CLGN: variants seen among roughly 807,000 people sequenced by gnomAD.
The protein encoded by CLGN is calmegin.
CLGN carries 62 observed loss-of-function variants against 79.1 expected under a neutral mutation model. The ratio of observed to expected loss-of-function variants is 0.78; its 90% CI spans 0.64 to 0.97. The LOEUF (loss-of-function observed/expected upper bound fraction) is 0.97. Ranked by LOEUF, CLGN falls within the 50% of genes least tolerant of loss-of-function variation. CLGN has a pLI of 0.00. For missense variants in CLGN, 647 were observed against 715.5 expected (o/e 0.90, Z 1.09); for synonymous variants, 225 against 224.7 (o/e 1.00, Z -0.01).
chr4:140,420,251 C>T (rs1729437798), intron 1 of CLGN, among the ~76,000 whole-genome samples: 2 of 152,008 alleles, frequency 1.3e-5, no homozygotes, highest in African/African-American at 4.8e-5. Flanking sequence ...ACCAGAGCAC[C>T]CCAGTTTTAT....
intron 13 of CLGN, among the ~76,000 whole-genome samples, chr4:140,391,100 A>C (rs914564438): frequency 2.0e-5 from 3 of 151,578 alleles, no homozygotes; most frequent in African/African-American, 7.3e-5. Context: ...GACATCATGC[A>C]TTTTTTCAGT....
At position 140,400,326 on chromosome 4, in the gene CLGN, T is replaced by C. The variant is rs772424728; in HGVS notation, c.694+31A>G. ...ATACATCAATAGTCAGCAAATATTT[T>C]TGAATACATGAATGAATTAAAAGGG... is the stretch of plus-strand genomic sequence containing the variant. On this transcript the variant is annotated intron_variant, in intron 7 of 14. Coordinates refer to ENST00000325617, the MANE Select transcript of CLGN (RefSeq NM_004362.3). The C allele has an allele frequency of 5.4e-6, 8 of 1,486,602 alleles. No individual in the cohort carries two copies. The Admixed American group carries it at 8.0e-5, about 15-fold the overall frequency. The allele number at this position is 1,486,602 out of a possible 1,614,324, so 92.1% of individuals were successfully genotyped here.
rs1728943776 is a variant in CLGN at position 140,398,879 on chromosome 4, C to T, written c.856G>A (p.Asp286Asn). ...EEWDERAKIPDPSAVKPEDWD... is the reference protein window; with the variant it reads ...EEWDERAKIPNPSAVKPEDWD... ...TCTTCTGGTTTGACGGCAGAAGGAT[C>T]AGGAATTTTTGCTCTTTCATCCCAT... is the stretch of plus-strand genomic sequence containing the variant. Residue 286 changes from aspartate (D) to asparagine (N), a missense_variant, in exon 8 of 15, where the codon GAT (aspartate) becomes AAT (asparagine). Asp to Asn is a conservative substitution (Grantham distance 23). Transcript: ENST00000325617. The T allele has an allele frequency of 4.3e-6, 7 of 1,613,734 alleles. No individual in the cohort carries two copies. Among genetic ancestry groups the T allele is most frequent in the Non-Finnish European group, 5.9e-6 (7 of 1,179,924 alleles).
At chr4:140,413,661 C>T (rs142350521) in intron 1 of CLGN, among the ~76,000 whole-genome samples, 14,768 of 152,256 alleles carry the variant, frequency 0.097, 850 homozygotes, top group East Asian at 0.23. Flanking sequence ...GCTTAAAAAA[C>T]GGCGCACCAC....
chr4:140,392,695 T>C lies in CLGN; in HGVS notation c.1382A>G (p.Gln461Arg), dbSNP rs1728798372. The change falls in exon 12 of 15, where the codon CAG becomes CGG. Residue 461 changes from glutamine to arginine, a missense_variant. Transcript: ENST00000325617. ...ANANKPGVLK[Q>R]LMAAAEGHPW... ...GTGCCCTTCAGCAGCTGCCATTAAC[T>C]GTTTTAATACACCAGGCTATAGACG... 2 of 1,603,406 alleles carry C rather than the reference T, an allele frequency of 1.2e-6. No individual in the cohort carries two copies. Among genetic ancestry groups the C allele is most frequent in the Non-Finnish European group, 1.7e-6 (2 of 1,176,576 alleles).
intron 13 of CLGN, 69 bp from the exon 14 acceptor site, chr4:140,390,797 T>C: frequency 2.1e-6 from 2 of 954,810 alleles, no homozygotes; most frequent in Non-Finnish European, 3.1e-6. Flanking sequence ...AAGTATTAAA[T>C]ACAATAAATG....
At chr4:140,395,545 A>C (rs1335050554) in intron 10 of CLGN, among the ~76,000 whole-genome samples, 1 of 152,220 alleles carries the variant, frequency 6.6e-6, no homozygotes, top group Admixed American at 6.5e-5. Context: ...ATCAAAATTC[A>C]CTTCTTATAT....
At chr4:140,400,217 A>G in intron 7 of CLGN, 140 bp downstream of exon 7, 1 of 588,140 alleles carries the variant, frequency 1.7e-6, no homozygotes, top group Non-Finnish European at 3.0e-6. Flanking sequence ...CCGTGCTGTC[A>G]TTATACATGT....
chr4:140,413,060 A>G lies in CLGN; in HGVS notation c.19T>C (p.Trp7Arg), dbSNP rs764796962. 7 of 1,611,038 alleles carry G rather than the reference A, an allele frequency of 4.3e-6. No individual in the cohort carries two copies. The Admixed American group carries it at 1.0e-4, about 23-fold the overall frequency. ...ATGAACAGAAGACCCAAACATAGCC[A>G]AAAGGCTTGGAAATGCATATTGATT... MHFQAF[W>R]LCLGLLFISI... Residue 7 changes from tryptophan to arginine, a missense_variant, in exon 2 of 15, where the codon TGG (tryptophan) becomes CGG (arginine). Transcript: ENST00000325617.
chr4:140,410,522 A>G, intron 3 of CLGN, 31 bp downstream of exon 3: 2 of 1,475,914 alleles, frequency 1.4e-6, no homozygotes, highest in Non-Finnish European at 9.5e-7. Flanking sequence ...CTAATAAATC[A>G]AAGAAAACAT....
intron 5 of CLGN, among the ~76,000 whole-genome samples, chr4:140,403,888 T>G (rs1377704353): frequency 6.6e-6 from 1 of 152,160 alleles, no homozygotes; most frequent in Non-Finnish European, 1.5e-5. Flanking sequence ...GCAGAGTATA[T>G]GGTAACCTTA....
Position 140,402,088 on chromosome 4 carries a change from C to T in CLGN, c.420-22G>A, listed in dbSNP as rs375471856. The T allele has an allele frequency of 8.7e-5, 106 of 1,215,836 alleles. No homozygotes were observed. Among genetic ancestry groups the T allele is most frequent in the East Asian group, 1.5e-4 (6 of 40,516 alleles). The allele number at this position is 1,215,836 out of a possible 1,614,324, so 75.3% of individuals were successfully genotyped here. On this transcript the variant is annotated intron_variant, in intron 5 of 14. Transcript: ENST00000325617. ...ATATCTGAATAAAGGGAAAAAGAAC[C>T]GTACTACTGATAAATAAAATTTACT... is the stretch of plus-strand genomic sequence containing the variant.
rs576111723 is a variant in CLGN, at chr4:140,399,782, A to T, written c.694+575T>A. Among the ~76,000 whole-genome samples, 440 of 152,198 alleles carry T rather than the reference A, an allele frequency of 2.9e-3. 1 individual carries two copies. Among genetic ancestry groups the T allele is most frequent in the Non-Finnish European group, 5.3e-3 (358 of 67,994 alleles). On this transcript the variant is annotated intron_variant, in intron 7 of 14. Transcript: ENST00000325617. ...GAAACAACTGCTTATGATGTCCCTC[A>T]CCCCCATATCTATGCAAATTCCTAT...
intron 1 of CLGN, among the ~76,000 whole-genome samples, chr4:140,425,871 C>T (rs543334134): frequency 2.0e-5 from 3 of 152,034 alleles, no homozygotes; most frequent in East Asian, 3.9e-4. Context: ...TCAGGTGATC[C>T]GCCCGCCTCG....
chr4:140,408,884 T>TATATATATATATAC (rs778910042), intron 4 of CLGN, among the ~76,000 whole-genome samples: 1 of 145,560 alleles, frequency 6.9e-6, no homozygotes, highest in Non-Finnish European at 1.5e-5. Context: ...TATATATATA[T>TATATATATATATAC]ACACACACAC....
intron 5 of CLGN, among the ~76,000 whole-genome samples, chr4:140,404,283 C>T (rs7659780): frequency 0.097 from 14,739 of 151,872 alleles, 832 homozygotes; most frequent in East Asian, 0.23. Flanking sequence ...TTAGTAGAGA[C>T]AGGGTTTCAC....
At chr4:140,392,807 AC>A in intron 11 of CLGN, 96 bp from the exon 12 acceptor site, 2 of 1,181,380 alleles carry the variant, frequency 1.7e-6, no homozygotes, top group Non-Finnish European at 2.3e-6. Flanking sequence ...CAGGCATTTT[AC>A]ATTAAGGAGT....
intron 10 of CLGN, 64 bp from the exon 11 acceptor site, chr4:140,394,105 AAGT>A: frequency 8.7e-7 from 1 of 1,154,132 alleles, no homozygotes; most frequent in Non-Finnish European, 1.3e-6. Context: ...GCTGCTTAAT[AAGT>A]AGCTGCTGTT....
rs771281900 is a variant in CLGN at position 140,392,667 on chromosome 4, T to C, written c.1410A>G (p.Pro470=). The C allele has an allele frequency of 6.2e-7, 1 of 1,610,852 alleles. No individual in the cohort carries two copies. Among genetic ancestry groups the C allele is most frequent in the Admixed American group, 1.7e-5 (1 of 59,302 alleles). The change falls in exon 12 of 15, where the codon CCA becomes CCG. Residue 470 remains proline (P), a synonymous_variant. Transcript: ENST00000325617. ...KQLMAAAEGH[P]WLWLIYLVTA... ...TCACAAGATAAATCAACCAAAGCCA[T>C]GGGTGCCCTTCAGCAGCTGCCATTA...
Sources: allele counts gnomAD v4.1 joint callset (sites outside exome capture counted in the v4.1 genomes callset), GRCh38; gene constraint gnomAD v4.1.1; transcripts MANE v1.5; gene names NCBI Gene and HGNC (gene_info 2026-07-23, HGNC 2026-07-21).